PUDP: variants seen among roughly 807,000 people sequenced by gnomAD.
The protein encoded by PUDP is pseudouridine-5'-phosphatase.
PUDP carries 8 observed loss-of-function variants against 9.4 expected under a neutral mutation model. The observed-to-expected ratio is 0.85, with a 90% confidence interval of 0.50 to 1.53. The LOEUF is 1.53. PUDP is among the 40% of genes most tolerant of loss of function. The pLI is 0.00. For missense variants in PUDP, 188 were observed against 189.7 expected, an observed-to-expected ratio of 0.99 and a Z score of 0.05; for synonymous variants, 99 against 80.7, an observed-to-expected ratio of 1.23 and a Z score of -1.22.
At chrX:7,146,841 T>G (rs1039241662) in intron 1 of PUDP, among the ~76,000 whole-genome samples, 68 of 104,256 alleles carry the variant, frequency 6.5e-4, no homozygotes, top group African/African-American at 2.2e-3. Context: ...CAGGGTTTTT[T>G]TTTTTTTTTT....
rs765837758 is a variant in PUDP, at chrX:6,793,813, C to G, written c.*248-87347G>C. 3.8e-3 allele frequency among the ~76,000 whole-genome samples: 413 copies of G among 109,003 alleles called. 8 individuals are homozygous for G. Among genetic ancestry groups the G allele is most frequent in the Non-Finnish European group, 6.1e-3 (313 of 51,005 alleles). The allele number at this position is 109,003 out of a possible 115,157, so 94.7% of individuals were successfully genotyped here. A position where few individuals can be genotyped will look rare whatever the true frequency, so the allele number is the denominator to read the frequency against. Reference sequence around the variant, plus strand: ...AAACAAGTTGATAGGAAAGGATAGGCTGGGGGCAGTCTTAAACCCTGGAAA... The same window carrying G: ...AAACAAGTTGATAGGAAAGGATAGGGTGGGGGCAGTCTTAAACCCTGGAAA... On this transcript the variant is annotated intron_variant and NMD_transcript_variant, in intron 3 of 3. Coordinates refer to the PUDP transcript ENST00000655425.
At chrX:6,861,500 T>A (rs1401099238) in intron 3 of PUDP, among the ~76,000 whole-genome samples, 1 of 112,007 alleles carries the variant, frequency 8.9e-6, no homozygotes, top group Non-Finnish European at 1.9e-5. Context: ...TCGTTAATGT[T>A]ATGCAATATT....
At chrX:6,893,797 A>C (rs1569118472) in intron 3 of PUDP, among the ~76,000 whole-genome samples, 1 of 111,887 alleles carries the variant, frequency 8.9e-6, no homozygotes, top group Non-Finnish European at 1.9e-5. Context: ...ATACATGCAC[A>C]TGTATGTTCA....
At chrX:6,960,014 A>G (rs1928684456) in intron 3 of PUDP, among the ~76,000 whole-genome samples, 1 of 112,565 alleles carries the variant, frequency 8.9e-6, no homozygotes, top group Non-Finnish European at 1.9e-5. Flanking sequence ...GTTTGATTTC[A>G]GAGGCTCACA....
chrX:7,024,890 C>T (rs372181112), intron 1 of PUDP, among the ~76,000 whole-genome samples: 3 of 107,844 alleles, frequency 2.8e-5, no homozygotes, highest in East Asian at 2.9e-4. Flanking sequence ...TGCACCTGGC[C>T]GACATAACCT....
At chrX:6,873,413 G>A (rs1442184036) in intron 3 of PUDP, among the ~76,000 whole-genome samples, 3 of 111,639 alleles carry the variant, frequency 2.7e-5, no homozygotes, top group African/African-American at 9.8e-5. Flanking sequence ...TCAATAAATG[G>A]TAACATGCTC....
chrX:6,994,448 C>T (rs5934145), intron 1 of PUDP, among the ~76,000 whole-genome samples: 40,122 of 110,707 alleles, frequency 0.36, 5,379 homozygotes, highest in Non-Finnish European at 0.41. Flanking sequence ...AGGTGAAGAA[C>T]CATAGAAATA....
intron 3 of PUDP, among the ~76,000 whole-genome samples, chrX:6,758,523 C>A (rs186968694): frequency 3.6e-5 from 4 of 111,514 alleles, no homozygotes; most frequent in Non-Finnish European, 7.5e-5. Context: ...CTCAGTTAGC[C>A]GCCAGAACAG....
At chrX:6,757,105 A>G (rs1925177585) in intron 3 of PUDP, among the ~76,000 whole-genome samples, 1 of 112,047 alleles carries the variant, frequency 8.9e-6, no homozygotes, top group Non-Finnish European at 1.9e-5. Context: ...AGTGATAAGG[A>G]TTTAGAATTA....
chrX:6,710,731 C>T (rs902499395), intron 1 of PUDP, among the ~76,000 whole-genome samples: 4 of 112,320 alleles, frequency 3.6e-5, no homozygotes, highest in Admixed American at 9.5e-5. Flanking sequence ...GCTCACTCGA[C>T]CAAACAGTAG....
intron 3 of PUDP, among the ~76,000 whole-genome samples, chrX:7,054,317 G>T (rs766966092): frequency 1.3e-4 from 15 of 111,309 alleles, no homozygotes; most frequent in Non-Finnish European, 2.6e-4. Context: ...AGCTAAGGCA[G>T]GAGAATGGCT....
chrX:6,884,634 C>T (rs1927396266), intron 3 of PUDP, among the ~76,000 whole-genome samples: 1 of 111,623 alleles, frequency 9.0e-6, no homozygotes, highest in African/African-American at 3.3e-5. Context: ...CTGCCCTATT[C>T]AATACTATTG....
chrX:6,961,206 C>G (rs777257523), intron 3 of PUDP, among the ~76,000 whole-genome samples: 43 of 110,210 alleles, frequency 3.9e-4, no homozygotes, highest in Non-Finnish European at 6.8e-4. Flanking sequence ...TCAAGCCCAG[C>G]CTGGGCAACA....
At chrX:6,759,334 T>C (rs1391956163) in intron 3 of PUDP, among the ~76,000 whole-genome samples, 4 of 112,170 alleles carry the variant, frequency 3.6e-5, no homozygotes, top group African/African-American at 1.3e-4. Flanking sequence ...CCAGTCAAGA[T>C]TTTTGTGCTT....
chrX:7,135,581 T>A (rs1201926995), intron 1 of PUDP, among the ~76,000 whole-genome samples: 1 of 112,098 alleles, frequency 8.9e-6, no homozygotes, highest in Non-Finnish European at 1.9e-5. Context: ...TCGAGAGAGC[T>A]GAAGGTTCTG....
At chrX:7,032,438 T>C (rs748130728) in intron 1 of PUDP, among the ~76,000 whole-genome samples, 1 of 112,499 alleles carries the variant, frequency 8.9e-6, no homozygotes, top group African/African-American at 3.2e-5. Context: ...GCATTATTCA[T>C]GATAACTTCA....
chrX:6,955,219 CTT>C (rs376301949), intron 3 of PUDP, among the ~76,000 whole-genome samples: 2 of 102,639 alleles, frequency 1.9e-5, no homozygotes, highest in African/African-American at 3.5e-5. Context: ...CTTTTAGTTC[CTT>C]TTTTTTTTTT....
At chrX:6,724,153 C>G (rs777607852), upstream of PUDP, among the ~76,000 whole-genome samples, 6 of 111,188 alleles carry the variant, frequency 5.4e-5, no homozygotes, top group Admixed American at 9.6e-5. Context: ...AGCAACCTCA[C>G]GTATAATGTA....
At chrX:6,741,854 T>C (rs185091208) in intron 3 of PUDP, among the ~76,000 whole-genome samples, 238 of 93,374 alleles carry the variant, frequency 2.5e-3, no homozygotes, top group African/African-American at 0.012. Flanking sequence ...TTCTTTCTTT[T>C]TCTTTCTTTC....
Sources: gnomAD v4.1 joint callset for allele counts (sites outside exome capture counted in the v4.1 genomes callset) on GRCh38, gnomAD v4.1.1 for gene constraint, MANE v1.5 for transcripts, NCBI Gene and HGNC (gene_info 2026-07-23, HGNC 2026-07-21) for gene names.